The following ABCC4 variants were observed in gnomAD, a reference collection of about 807,000 sequenced individuals.
The protein encoded by ABCC4 is ATP-binding cassette sub-family C member 4.
Under a neutral mutation model 168.5 loss-of-function variants are expected in ABCC4, and 102 were observed. The ratio of observed to expected loss-of-function variants is 0.61; its 90% CI spans 0.52 to 0.71. The LOEUF (loss-of-function observed/expected upper bound fraction) is 0.71, where lower values mean the gene tolerates loss of function less well. ABCC4 is among the 30% of genes least tolerant of loss of function. ABCC4 has a pLI of 0.00. For missense variants in ABCC4, 1,402 were observed against 1,605.8 expected, an observed-to-expected ratio of 0.87 and a Z score of 2.17; for synonymous variants, 617 against 590.7, an observed-to-expected ratio of 1.04 and a Z score of -0.65.
chr13:95,161,056 G>T, intron 19 of ABCC4, 133 bp downstream of exon 19: 1 of 317,370 alleles, frequency 3.2e-6, no homozygotes, highest in Non-Finnish European at 4.3e-6. Flanking sequence ...GAAGTTTCTT[G>T]TGGAAAATGA....
chr13:95,026,656 A>C (rs926704988), intron 30 of ABCC4, among the ~76,000 whole-genome samples: 6 of 152,208 alleles, frequency 3.9e-5, no homozygotes, highest in Admixed American at 3.9e-4. Context: ...TGGGAGGCCA[A>C]GGTGGGATGA....
intron 14 of ABCC4, among the ~76,000 whole-genome samples, chr13:95,169,627 C>A (rs1319326577): frequency 6.6e-6 from 1 of 152,132 alleles, no homozygotes; most frequent in African/African-American, 2.4e-5. Context: ...CAAGTCCCAG[C>A]GAGGCAACCC....
At chr13:95,112,076 G>A (rs565782326) in intron 20 of ABCC4, among the ~76,000 whole-genome samples, 2 of 152,206 alleles carry the variant, frequency 1.3e-5, no homozygotes, top group Non-Finnish European at 2.9e-5. Context: ...CATGAGGCCA[G>A]GTGCAGTGGC....
In ABCC4 at chr13:95,086,580, G is replaced by A. The variant is rs2034263862; in HGVS notation, c.2536-3290C>T. Among the ~76,000 whole-genome samples, 3 of 152,248 alleles carry A rather than the reference G, an allele frequency of 2.0e-5. No individual in the cohort carries two copies. The South Asian group carries it at 6.2e-4, about 32-fold the overall frequency. On this transcript the variant is annotated intron_variant, in intron 20 of 30. Transcript: ENST00000645237. ...TAACCACCAAACTGCTTTGAGTCCT[G>A]GAGAAATTTTTAGGTATCTATCCAC...
At chr13:95,182,364 T>C (rs1169989898) in intron 11 of ABCC4, among the ~76,000 whole-genome samples, 1 of 152,106 alleles carries the variant, frequency 6.6e-6, no homozygotes, top group Non-Finnish European at 1.5e-5. Flanking sequence ...ACACACTGCT[T>C]AAAAGTGCTC....
chr13:95,131,542 T>C (rs1453177149), intron 19 of ABCC4, among the ~76,000 whole-genome samples: 1 of 152,066 alleles, frequency 6.6e-6, no homozygotes, highest in Non-Finnish European at 1.5e-5. Flanking sequence ...GGCAGAAGAA[T>C]TGCCTGAACC....
At chr13:95,261,595 A>G (rs530699214) in intron 1 of ABCC4, among the ~76,000 whole-genome samples, 9 of 152,318 alleles carry the variant, frequency 5.9e-5, no homozygotes, top group Non-Finnish European at 1.3e-4. Flanking sequence ...ATTTACTAGT[A>G]TTAATGGTGA....
At chr13:95,047,783 G>A (rs1012752062) in intron 27 of ABCC4, among the ~76,000 whole-genome samples, 20 of 151,920 alleles carry the variant, frequency 1.3e-4, no homozygotes, top group African/African-American at 1.9e-4. Context: ...ACGCCCAGCC[G>A]CCTATTTTTA....
At chr13:95,151,589 G>A (rs1183778340) in intron 19 of ABCC4, among the ~76,000 whole-genome samples, 1 of 141,248 alleles carries the variant, frequency 7.1e-6, no homozygotes, top group South Asian at 2.3e-4. Flanking sequence ...AGGAGAAGGA[G>A]AAGAAGGAGG....
intron 20 of ABCC4, among the ~76,000 whole-genome samples, chr13:95,099,876 C>T (rs889478332): frequency 6.6e-6 from 1 of 152,164 alleles, no homozygotes; most frequent in Non-Finnish European, 1.5e-5. Context: ...ATTACACTTA[C>T]CCATGCCCCA....
intron 10 of ABCC4, among the ~76,000 whole-genome samples, chr13:95,187,268 AT>A (rs1221782746): frequency 2.0e-5 from 3 of 152,242 alleles, no homozygotes; most frequent in Admixed American, 6.5e-5. Flanking sequence ...GCATGCGGGT[AT>A]CTTTTTTGAC....
intron 9 of ABCC4, among the ~76,000 whole-genome samples, chr13:95,190,493 C>A (rs1459470381): frequency 1.3e-5 from 2 of 152,136 alleles, no homozygotes; most frequent in Non-Finnish European, 2.9e-5. Context: ...TTTACCAGAG[C>A]ATGATAAACC....
rs59935866 is a variant in ABCC4 at position 95,164,054 on chromosome 13, A to AAAAAAAAAGAAAG, written c.2175+323_2175+324insCTTTCTTTTTTTT. 7.8e-4 allele frequency among the ~76,000 whole-genome samples: 108 copies of AAAAAAAAAGAAAG among 139,006 alleles called. 1 individual carries two copies. The highest frequency in any genetic ancestry group is 1.4e-3 in the Non-Finnish European group (93 of 65,570). 91.2% of individuals were successfully genotyped at this position (139,006 alleles called of 152,430 possible). A position where few individuals can be genotyped will look rare whatever the true frequency, so the allele number is the denominator to read the frequency against. ...AAACTCCATCTCAAAAAAAAAAAAA[A>AAAAAAAAAGAAAG]AAAGAAAGAAAGAAAGAAAGAAAGA... On this transcript the variant is annotated intron_variant, in intron 16 of 30. Coordinates refer to ENST00000645237, the MANE Select transcript of ABCC4 (RefSeq NM_005845.5).
chr13:95,163,902 G>C (rs1393411472), intron 16 of ABCC4, among the ~76,000 whole-genome samples: 1 of 151,964 alleles, frequency 6.6e-6, no homozygotes, highest in Admixed American at 6.6e-5. Flanking sequence ...AGCTGGGCAT[G>C]GTGGCACATG....
At chr13:95,298,234 A>C (rs2041585892) in intron 1 of ABCC4, among the ~76,000 whole-genome samples, 1 of 152,196 alleles carries the variant, frequency 6.6e-6, no homozygotes, top group Admixed American at 6.5e-5. Flanking sequence ...GGTTGCAGTG[A>C]GCAGAGATTG....
chr13:95,037,563 G>T (rs1004891959), intron 29 of ABCC4, among the ~76,000 whole-genome samples: 4 of 152,216 alleles, frequency 2.6e-5, no homozygotes, highest in African/African-American at 9.6e-5. Flanking sequence ...GCAGAGCTGG[G>T]ATTTGAACCC....
intron 1 of ABCC4, among the ~76,000 whole-genome samples, chr13:95,276,073 T>C (rs1159396220): frequency 6.6e-6 from 1 of 152,062 alleles, no homozygotes; most frequent in Non-Finnish European, 1.5e-5. Context: ...TGGTAGGAAA[T>C]AAATCAAGAG....
intron 19 of ABCC4, among the ~76,000 whole-genome samples, chr13:95,134,770 A>T (rs897287920): frequency 3.2e-4 from 48 of 152,180 alleles, no homozygotes; most frequent in African/African-American, 1.1e-3. Context: ...TAGAGAAGGA[A>T]ATGATGCTCA....
rs2033741244 is a variant in ABCC4, at chr13:95,071,944, A to G, written c.3019-91T>C. ...TGTCAATGAAATGTTCTTCTTTCAT[A>G]CATAGTTGGTTAAGGAGAGAAGCAG... On this transcript the variant is annotated intron_variant, in intron 24 of 30. Transcript: ENST00000645237. The G allele has an allele frequency of 1.0e-5, 11 of 1,049,612 alleles. No homozygotes were observed. The East Asian group carries it at 3.1e-4, about 30-fold the overall frequency. The allele number at this position is 1,049,612 out of a possible 1,614,324, so 65.0% of individuals were successfully genotyped here.
Sources: allele counts gnomAD v4.1 joint callset (sites outside exome capture counted in the v4.1 genomes callset), GRCh38; gene constraint gnomAD v4.1.1; transcripts MANE v1.5; gene names NCBI Gene and HGNC (gene_info 2026-07-23, HGNC 2026-07-21).